CTCFL: variants seen among roughly 807,000 people sequenced by gnomAD.
CTCFL encodes the protein transcriptional repressor CTCFL.
A neutral mutation model predicts 67.4 loss-of-function variants in CTCFL; 36 were observed. That is an observed-to-expected ratio of 0.53 (90% CI 0.41 to 0.71). CTCFL has a LOEUF of 0.71. CTCFL is among the 30% of genes least tolerant of loss of function. The pLI, the probability that CTCFL is intolerant of heterozygous loss-of-function variation, is 0.00. For synonymous variants in CTCFL, 324 were observed against 302.3 expected (o/e 1.07, Z -0.75); for missense variants, 786 against 835.2 (o/e 0.94, Z 0.73).
intron 9 of CTCFL, chr20:57,506,714 A>C: frequency 1.2e-6 from 1 of 863,144 alleles, no homozygotes; most frequent in Non-Finnish European, 1.4e-6. Context: ...GAATTTCAAA[A>C]ATTTTATGTT....
chr20:57,498,786 C>T, intron 10 of CTCFL, 85 bp from the exon 11 acceptor site: 1 of 1,284,284 alleles, frequency 7.8e-7, no homozygotes, highest in Non-Finnish European at 1.1e-6. Context: ...TTTTGGAAAC[C>T]ATCACTTAAA....
At chr20:57,501,896 G>A (rs1051746321) in intron 10 of CTCFL, among the ~76,000 whole-genome samples, 2 of 152,252 alleles carry the variant, frequency 1.3e-5, no homozygotes, top group Non-Finnish European at 2.9e-5. Context: ...ACCTGGGCAG[G>A]CTCGTCCCCA....
chr20:57,514,291 A>C (rs2068757062), intron 7 of CTCFL, among the ~76,000 whole-genome samples: 2 of 152,220 alleles, frequency 1.3e-5, no homozygotes, highest in Non-Finnish European at 1.5e-5. Flanking sequence ...TCTGATCCCC[A>C]GTGTCCTCAT....
Position 57,499,842 on chromosome 20 carries a change from G to T in CTCFL, c.1841-1141C>A, listed in dbSNP as rs112558007. 9.8e-6 allele frequency: 4 copies of T among 406,432 alleles called. No individual in the cohort carries two copies. In the South Asian group the frequency reaches 4.0e-4, roughly 41 times the overall value. 25.2% of individuals were successfully genotyped at this position (406,432 alleles called of 1,614,324 possible). The stretch of plus-strand genomic sequence containing the variant: ...TCTGACAGGAGGCGGAGCTCAGGCG[G>T]TGATGCGCCCGATGGGGAGCGGCTG... On this transcript the variant is annotated intron_variant, in intron 10 of 10. Transcript: ENST00000243914.
chr20:57,508,326 G>A (rs1215275803), intron 9 of CTCFL, among the ~76,000 whole-genome samples: 1 of 151,844 alleles, frequency 6.6e-6, no homozygotes, highest in African/African-American at 2.4e-5. Context: ...CTAAAAGGTG[G>A]GGTTCTTTGG....
In CTCFL at chr20:57,497,613, C is replaced by A; in HGVS notation, c.*937G>T. The A allele has an allele frequency of 2.0e-6, 2 of 985,312 alleles. No homozygotes were observed. Among genetic ancestry groups the A allele is most frequent in the Non-Finnish European group, 2.4e-6 (2 of 829,924 alleles). 61.0% of individuals were successfully genotyped at this position (985,312 alleles called of 1,614,324 possible). On this transcript the variant is annotated 3_prime_UTR_variant, in exon 11 of 11. Coordinates refer to ENST00000243914, the MANE Select transcript of CTCFL (RefSeq NM_001386993.1). ...CTCGAGGGTGGAAAAATCTTGTCAA[C>A]TGGCAAAAGGGAAATACTCACTAAT...
intron 7 of CTCFL, chr20:57,513,440 T>A: frequency 1.0e-6 from 1 of 990,748 alleles, no homozygotes; most frequent in South Asian, 4.6e-5. Flanking sequence ...ACTCAGACAT[T>A]TAGAGAGCTT....
In CTCFL at chr20:57,508,479, A is replaced by G. The variant is rs2146330104; in HGVS notation, c.1674+127T>C. The G allele has an allele frequency of 3.5e-6, 3 of 855,500 alleles. No individual in the cohort carries two copies. In the Admixed American group the frequency reaches 7.6e-5, roughly 22 times the overall value. The allele number at this position is 855,500 out of a possible 1,614,324, so 53.0% of individuals were successfully genotyped here. A position where few individuals can be genotyped will look rare whatever the true frequency, so the allele number is the denominator to read the frequency against. ...AAACTAATAACCACTTTCCTAAGGC[A>G]TGACAGATGCTCCTGAAGTCCTGGC... On this transcript the variant is annotated intron_variant, in intron 9 of 10. Coordinates refer to ENST00000243914, the MANE Select transcript of CTCFL (RefSeq NM_001386993.1).
chr20:57,511,112 G>C (rs1282301941), intron 8 of CTCFL, among the ~76,000 whole-genome samples: 1 of 152,136 alleles, frequency 6.6e-6, no homozygotes, highest in Non-Finnish European at 1.5e-5. Context: ...TATGAACACA[G>C]CCTACTGCAG....
chr20:57,502,329 C>A (rs934660680), intron 10 of CTCFL, among the ~76,000 whole-genome samples: 1 of 152,202 alleles, frequency 6.6e-6, no homozygotes, highest in Admixed American at 6.5e-5. Context: ...CGCTTCTACC[C>A]GAGTTTCAGA....
chr20:57,516,445 C>T (rs577178927), intron 5 of CTCFL, among the ~76,000 whole-genome samples: 37 of 152,174 alleles, frequency 2.4e-4, no homozygotes, highest in African/African-American at 8.7e-4. Context: ...GCTGAGGTGG[C>T]AGGACTGTTT....
At chr20:57,501,442 A>G (rs1373248568) in intron 10 of CTCFL, among the ~76,000 whole-genome samples, 1 of 152,100 alleles carries the variant, frequency 6.6e-6, no homozygotes, top group Admixed American at 6.5e-5. Flanking sequence ...TTCCAGACTC[A>G]GAGTCAGAAG....
intron 8 of CTCFL, among the ~76,000 whole-genome samples, chr20:57,511,725 G>C (rs1157692607): frequency 1.3e-5 from 2 of 151,928 alleles, no homozygotes; most frequent in Non-Finnish European, 2.9e-5. Context: ...CTGAGTAGCT[G>C]GGACTACAGG....
At chr20:57,506,368 G>A (rs6025596) in intron 9 of CTCFL, among the ~76,000 whole-genome samples, 33,175 of 152,086 alleles carry the variant, frequency 0.22, 3,772 homozygotes, top group East Asian at 0.28. Flanking sequence ...TAGTGGCACA[G>A]TCTCAGCTCA....
chr20:57,507,834 TTGAGGTAATC>T, intron 9 of CTCFL: 1 of 703,062 alleles, frequency 1.4e-6, no homozygotes, highest in Non-Finnish European at 2.6e-6. Flanking sequence ...CCACTCCATT[TTGAGGTAATC>T]TGTCATACAG....
At chr20:57,514,976 G>C in intron 6 of CTCFL, 1 of 550,120 alleles carries the variant, frequency 1.8e-6, no homozygotes, top group Admixed American at 3.5e-5. Flanking sequence ...GGCTACGCAA[G>C]AGTTCAAGGT....
chr20:57,511,850 C>G (rs1211124896), intron 8 of CTCFL, among the ~76,000 whole-genome samples: 3 of 152,194 alleles, frequency 2.0e-5, no homozygotes, highest in African/African-American at 7.2e-5. Flanking sequence ...GCCTCGGCCT[C>G]CCAAAGTGCT....
At chr20:57,496,453 A>G (rs559018229), downstream of CTCFL, 9 of 451,440 alleles carry the variant, frequency 2.0e-5, no homozygotes, top group South Asian at 3.9e-4. Context: ...AACACAACAT[A>G]AAATTTACCA....
intron 9 of CTCFL, among the ~76,000 whole-genome samples, chr20:57,505,441 A>C (rs2068152964): frequency 6.6e-6 from 1 of 151,832 alleles, no homozygotes; most frequent in South Asian, 2.1e-4. Flanking sequence ...ATTTTTCAGT[A>C]GAGATGGGGT....
Sources: allele counts gnomAD v4.1 joint callset (sites outside exome capture counted in the v4.1 genomes callset), GRCh38; gene constraint gnomAD v4.1.1; transcripts MANE v1.5; gene names NCBI Gene and HGNC (gene_info 2026-07-23, HGNC 2026-07-21).